AJAP1: variants seen among roughly 807,000 people sequenced by gnomAD.
The protein encoded by AJAP1 is adherens junctions associated protein 1.
In AJAP1, 5 loss-of-function variants were observed where a neutral mutation model predicts 35.0. The observed-to-expected ratio is 0.14, with a 90% CI of 0.07 to 0.30. The LOEUF is 0.30. AJAP1 is among the 10% of genes least tolerant of loss of function. The pLI, the probability that AJAP1 is intolerant of heterozygous loss-of-function variation, is 1.00. For synonymous variants in AJAP1, 284 were observed against 249.3 expected, an observed-to-expected ratio of 1.14 and a Z score of -1.31; for missense variants, 586 against 571.0, an observed-to-expected ratio of 1.03 and a Z score of -0.27.
At chr1:4,663,939 C>A (rs574952147) in intron 1 of AJAP1, among the ~76,000 whole-genome samples, 12 of 152,108 alleles carry the variant, frequency 7.9e-5, no homozygotes, top group Non-Finnish European at 1.5e-4. Flanking sequence ...TTGCTCATAG[C>A]CGCAGGTTCT....
intron 2 of AJAP1, among the ~76,000 whole-genome samples, chr1:4,761,405 C>A (rs940059541): frequency 1.3e-5 from 2 of 152,154 alleles, no homozygotes; most frequent in East Asian, 1.9e-4. Flanking sequence ...ACAAAGAAAC[C>A]CATGGGTGAC....
intron 2 of AJAP1, among the ~76,000 whole-genome samples, chr1:4,757,038 C>T (rs972076686): frequency 3.3e-5 from 5 of 152,186 alleles, no homozygotes; most frequent in Admixed American, 1.3e-4. Context: ...GAGAGCCTGA[C>T]ACAGAGGCTC....
At chr1:4,752,283 G>T (rs1448366620) in intron 2 of AJAP1, among the ~76,000 whole-genome samples, 1 of 152,016 alleles carries the variant, frequency 6.6e-6, no homozygotes, top group East Asian at 1.9e-4. Flanking sequence ...AGAAACAGTT[G>T]TTTGTGTGGT....
chr1:4,674,188 G>T (rs1423604419), intron 1 of AJAP1, among the ~76,000 whole-genome samples: 1 of 152,110 alleles, frequency 6.6e-6, no homozygotes, highest in Non-Finnish European at 1.5e-5. Flanking sequence ...CAGTGGGCAG[G>T]AGAGGGCCCT....
chr1:4,729,419 G>A (rs1640748550), intron 2 of AJAP1, among the ~76,000 whole-genome samples: 1 of 152,230 alleles, frequency 6.6e-6, no homozygotes, highest in Non-Finnish European at 1.5e-5. Flanking sequence ...TGGTGAGCTA[G>A]GTTTTCGGCT....
At chr1:4,704,976 T>C (rs994825182) in intron 1 of AJAP1, among the ~76,000 whole-genome samples, 1 of 152,256 alleles carries the variant, frequency 6.6e-6, no homozygotes. Flanking sequence ...TGTCTGTTCA[T>C]GTCCTTCACC....
At chr1:4,707,049 G>A (rs1194676431) in intron 1 of AJAP1, among the ~76,000 whole-genome samples, 2 of 152,008 alleles carry the variant, frequency 1.3e-5, no homozygotes, top group African/African-American at 4.8e-5. Context: ...GTGGTCCTCA[G>A]GTGCTCAGGC....
intron 1 of AJAP1, among the ~76,000 whole-genome samples, chr1:4,679,745 G>C (rs1012075800): frequency 7.3e-5 from 11 of 151,446 alleles, no homozygotes; most frequent in Admixed American, 2.0e-4. Flanking sequence ...ATGTGTCCTT[G>C]CCTCTTCTTA....
chr1:4,711,822 GGA>G, intron 1 of AJAP1, 76 bp from the exon 2 acceptor site: 8 of 1,166,996 alleles, frequency 6.9e-6, no homozygotes, highest in Non-Finnish European at 9.4e-6. Context: ...AGCGCGGGGT[GGA>G]GAGAGAGGGC....
chr1:4,668,510 G>A (rs1639186285), intron 1 of AJAP1, among the ~76,000 whole-genome samples: 1 of 152,214 alleles, frequency 6.6e-6, no homozygotes. Flanking sequence ...AGACCTTCAA[G>A]GTCAGGAAAT....
chr1:4,680,167 G>A (rs1291069813), intron 1 of AJAP1, among the ~76,000 whole-genome samples: 1 of 152,060 alleles, frequency 6.6e-6, no homozygotes, highest in Non-Finnish European at 1.5e-5. Context: ...ATTGGATGAA[G>A]CCCACCCACA....
chr1:4,680,845 T>C (rs1339418933), intron 1 of AJAP1, among the ~76,000 whole-genome samples: 1 of 152,234 alleles, frequency 6.6e-6, no homozygotes, highest in Non-Finnish European at 1.5e-5. Flanking sequence ...CTAGTGGTGT[T>C]TTTTATATGG....
intron 1 of AJAP1, among the ~76,000 whole-genome samples, chr1:4,682,335 G>A (rs1380210210): frequency 6.6e-6 from 1 of 152,202 alleles, no homozygotes; most frequent in Non-Finnish European, 1.5e-5. Context: ...TCATTCCCAA[G>A]TGGAGCTTGG....
At chr1:4,750,237 T>A (rs1641292168) in intron 2 of AJAP1, among the ~76,000 whole-genome samples, 1 of 152,166 alleles carries the variant, frequency 6.6e-6, no homozygotes, top group South Asian at 2.1e-4. Flanking sequence ...TGTTCATGCA[T>A]TTGTGTGTGC....
At chr1:4,719,605 G>C (rs1324852999) in intron 2 of AJAP1, among the ~76,000 whole-genome samples, 2 of 152,134 alleles carry the variant, frequency 1.3e-5, no homozygotes, top group Non-Finnish European at 2.9e-5. Flanking sequence ...GGCCTGGATT[G>C]TGGAGGGAGC....
rs1340787438 is a variant in AJAP1 at position 4,712,386 on chromosome 1, C to G, written c.516C>G (p.Ser172Arg). Residue 172 changes from serine (S) to arginine (R), a missense_variant, in exon 2 of 6, where the codon AGC becomes AGG. Ser to Arg is a moderately radical substitution (Grantham distance 110). Transcript: ENST00000378191. ...TCAGCAGCTTCGACTCCAGAGGCAG[C>G]CGGCCCACCACAGAGACTGAGTTCA... ...DGLSSFDSRG[S>R]RPTTETEFIA... 6.4e-6 allele frequency: 10 copies of G among 1,553,630 alleles called. No individual in the cohort carries two copies. Among genetic ancestry groups the G allele is most frequent in the Admixed American group, 3.8e-5 (2 of 53,258 alleles).
chr1:4,742,755 C>T (rs1422038327), intron 2 of AJAP1, among the ~76,000 whole-genome samples: 1 of 152,158 alleles, frequency 6.6e-6, no homozygotes, highest in African/African-American at 2.4e-5. Flanking sequence ...GAAACACAAC[C>T]GTTCCCCCAC....
rs556775728 is a variant in AJAP1, at chr1:4,781,627, C to T, written c.*60-918C>T. 1.6e-4 allele frequency among the ~76,000 whole-genome samples: 24 copies of T among 152,346 alleles called. 1 individual carries two copies. The East Asian group carries it at 4.1e-3, about 26-fold the overall frequency. ...AGGATGCGGTAGCATTTTCTTTCTA[C>T]TGTTGAGGGTCCTGATTGCCTGTAG... On this transcript the variant is annotated intron_variant, in intron 5 of 5. Transcript: ENST00000378191.
intron 4 of AJAP1, 81 bp from the exon 5 acceptor site, chr1:4,774,346 C>A: frequency 1.5e-6 from 2 of 1,364,822 alleles, no homozygotes; most frequent in Non-Finnish European, 2.1e-6. Context: ...CCAGTCCCCA[C>A]CACAGGCCTG....
Sources: allele counts gnomAD v4.1 joint callset (sites outside exome capture counted in the v4.1 genomes callset), GRCh38; gene constraint gnomAD v4.1.1; transcripts MANE v1.5; gene names NCBI Gene and HGNC (gene_info 2026-07-23, HGNC 2026-07-21).